The following ZFTA variants were observed in gnomAD, a reference collection of about 807,000 sequenced individuals.
ZFTA encodes the protein zinc finger translocation associated.
Under a neutral mutation model 41.8 loss-of-function variants are expected in ZFTA, and 35 were observed. The observed-to-expected ratio is 0.84, with a 90% CI of 0.64 to 1.11. The LOEUF is 1.11. ZFTA is among the 50% of genes most tolerant of loss of function. The pLI, the probability that ZFTA is intolerant of heterozygous loss-of-function variation, is 0.00. For missense variants in ZFTA, 964 were observed against 989.8 expected (o/e 0.97, Z 0.35); for synonymous variants, 514 against 436.4 (o/e 1.18, Z -2.22).
Position 63,764,115 on chromosome 11 carries a change from G to T in ZFTA, c.1508C>A (p.Pro503His), listed in dbSNP as rs1312377385. ...GTCGGAGGCTGCGGCAGTGCCGGGG[G>T]GGATGGGGCCCTGGGGGGACTCGGG... ...PRPESPQGPI[P>H]PGTAAASDEG... Residue 503 changes from proline to histidine, a missense_variant, in exon 4 of 5, where the codon CCC (proline) becomes CAC (histidine). This residue lies in a region of ZFTA where 584 missense variants were observed against 523.1 expected (regional missense o/e 1.12). Transcript: ENST00000433688. The T allele has an allele frequency of 7.4e-7, 1 of 1,344,510 alleles. No individual in the cohort carries two copies. The highest frequency in any genetic ancestry group is 9.5e-7 in the Non-Finnish European group (1 of 1,053,702). 83.3% of individuals were successfully genotyped at this position (1,344,510 alleles called of 1,614,324 possible). A position where few individuals can be genotyped will look rare whatever the true frequency, so the allele number is the denominator to read the frequency against.
rs1249531542 is a variant in ZFTA at position 63,766,177 on chromosome 11, C to T, written c.267G>A (p.Ser89=). The change falls in exon 2 of 5, where the codon TCG becomes TCA. Residue 89 remains serine, a synonymous_variant. Coordinates refer to ENST00000433688, the MANE Select transcript of ZFTA (RefSeq NM_001144936.2). ...KYSDHCEARA[S]RPGKSRIPGR... Reference sequence around the variant, plus strand: ...CAGGGATGCGGCTCTTTCCAGGCCTCGAGGCCCGGGCCTCACAGTGGTCTG... The same window carrying T: ...CAGGGATGCGGCTCTTTCCAGGCCTTGAGGCCCGGGCCTCACAGTGGTCTG... 6 of 1,522,284 alleles carry T rather than the reference C, an allele frequency of 3.9e-6. No individual in the cohort carries two copies. Among genetic ancestry groups the T allele is most frequent in the Admixed American group, 2.2e-5 (1 of 46,260 alleles). 94.3% of individuals were successfully genotyped at this position (1,522,284 alleles called of 1,614,324 possible).
Position 63,765,877 on chromosome 11 carries a change from C to T in ZFTA, c.567G>A (p.Glu189=), listed in dbSNP as rs748417027. ...CCTCCTCTTCTTCCTCCTCCTCCTCCTCCTCAGCCCCCTGGACCCCCAGGC... is the reference window on the plus strand; with the variant it reads ...CCTCCTCTTCTTCCTCCTCCTCCTCTTCCTCAGCCCCCTGGACCCCCAGGC... ...AEGLGVQGAE[E]EEEEEEEEEE... Residue 189 remains glutamate (E), a synonymous_variant, in exon 2 of 5, where the codon GAG becomes GAA. Transcript: ENST00000433688. This position sits in a 1 kb window ranked among gnomAD's most constrained non-coding sequence, Gnocchi z 4.0. The T allele has an allele frequency of 2.0e-6, 3 of 1,530,452 alleles. No homozygotes were observed. Among genetic ancestry groups the T allele is most frequent in the Admixed American group, 4.2e-5 (2 of 47,250 alleles). 94.8% of individuals were successfully genotyped at this position (1,530,452 alleles called of 1,614,324 possible).
chr11:63,766,307 G>A lies in ZFTA; in HGVS notation c.140-3C>T. ...CCCTTCCAGCTGAAGATCTTGCCCT[G>A]AAGAAGGGGAAAGGGAGACAGTTTT... On this transcript the variant is annotated splice_polypyrimidine_tract_variant and splice_region_variant and intron_variant, in intron 1 of 4. Transcript: ENST00000433688. 1 of 1,431,220 alleles carries A rather than the reference G, an allele frequency of 7.0e-7. No homozygotes were observed. 88.7% of individuals were successfully genotyped at this position (1,431,220 alleles called of 1,614,324 possible). A position where few individuals can be genotyped will look rare whatever the true frequency, so the allele number is the denominator to read the frequency against.
intron 4 of ZFTA, 50 bp downstream of exon 4, chr11:63,763,988 C>T (rs754621403): frequency 1.1e-4 from 141 of 1,304,814 alleles, no homozygotes; most frequent in Non-Finnish European, 1.3e-4. Flanking sequence ...CCTTCTGCCC[C>T]AGCAACTGCC....
At position 63,768,499 on chromosome 11, in the gene ZFTA, C is replaced by A; in HGVS notation, c.124G>T (p.Glu42Ter). 8.3e-7 allele frequency: 1 copy of A among 1,208,774 alleles called. No homozygotes were observed. The highest frequency in any genetic ancestry group is 1.0e-6 in the Non-Finnish European group (1 of 958,548). 74.9% of individuals were successfully genotyped at this position (1,208,774 alleles called of 1,614,324 possible). A position where few individuals can be genotyped will look rare whatever the true frequency, so the allele number is the denominator to read the frequency against. The change falls in exon 1 of 5, where the codon GAG (glutamate) becomes TAG (stop). Residue 42 changes from glutamate to a stop codon, truncating the protein, a stop_gained. Coordinates refer to ENST00000433688, the MANE Select transcript of ZFTA (RefSeq NM_001144936.2). LOFTEE classifies it high-confidence loss of function. ...PAGSSGSAEP[E>*]EDEGGQDLQL... ...CAGCTCTTACCGCCTTCGTCTTCCT[C>A]TGGCTCCGCGCTGCCGCTCGATCCG...
intron 1 of ZFTA, 85 bp from the exon 2 acceptor site, chr11:63,766,389 G>A: frequency 1.4e-6 from 2 of 1,390,882 alleles, no homozygotes; most frequent in South Asian, 1.7e-5. Context: ...CCCTGAGAAA[G>A]GGAGCTGGGG....
In ZFTA at chr11:63,765,037, G is replaced by A. The variant is rs1285741720; in HGVS notation, c.855C>T (p.Cys285=). The A allele has an allele frequency of 6.5e-7, 1 of 1,548,956 alleles. No homozygotes were observed. Among genetic ancestry groups the A allele is most frequent in the Non-Finnish European group, 8.7e-7 (1 of 1,146,492 alleles). The part of the protein sequence containing the change: ...DYDPRGNRLV[C]MACGRALPSL... ...TGGGCAGTGCCCGGCCACAGGCCAT[G>A]CACACCAGCCGGTTCCCCCGCGGGT... is the stretch of plus-strand genomic sequence containing the variant. The change falls in exon 3 of 5, where the codon TGC becomes TGT. Residue 285 remains cysteine, a synonymous_variant. Coordinates refer to ENST00000433688, the MANE Select transcript of ZFTA (RefSeq NM_001144936.2). This position sits in a 1 kb window ranked among gnomAD's most constrained non-coding sequence, Gnocchi z 4.0.
intron 1 of ZFTA, among the ~76,000 whole-genome samples, chr11:63,766,520 A>G (rs1057041949): frequency 6.6e-6 from 1 of 152,170 alleles, no homozygotes; most frequent in East Asian, 1.9e-4. Flanking sequence ...ATCAAGAACA[A>G]AAGGACGCAG....
In ZFTA at chr11:63,765,337, A is replaced by C; in HGVS notation, c.638-83T>G. Reference sequence around the variant, plus strand: ...CAGCCAGGTCTCCCACAAGCCTCTCACTCACTTGGGCCCCAGGCCTAACCT... The same window carrying C: ...CAGCCAGGTCTCCCACAAGCCTCTCCCTCACTTGGGCCCCAGGCCTAACCT... On this transcript the variant is annotated intron_variant, in intron 2 of 4. Transcript: ENST00000433688. This position sits in a 1 kb window ranked among gnomAD's most constrained non-coding sequence, Gnocchi z 4.0. 7.3e-7 allele frequency: 1 copy of C among 1,366,314 alleles called. No individual in the cohort carries two copies. The highest frequency in any genetic ancestry group is 9.5e-7 in the Non-Finnish European group (1 of 1,052,330). 84.6% of individuals were successfully genotyped at this position (1,366,314 alleles called of 1,614,324 possible). A position where few individuals can be genotyped will look rare whatever the true frequency, so the allele number is the denominator to read the frequency against.
Position 63,764,553 on chromosome 11 carries a change from G to C in ZFTA, c.1070C>G (p.Ser357Trp). The change falls in exon 4 of 5, where the codon TCG becomes TGG. Residue 357 changes from serine (S) to tryptophan (W), a missense_variant. Physicochemically the swap from Ser to Trp is radical, Grantham distance 177. This residue lies in a region of ZFTA where 584 missense variants were observed against 523.1 expected (regional missense o/e 1.12). Coordinates refer to ENST00000433688, the MANE Select transcript of ZFTA (RefSeq NM_001144936.2). ...PQDLTGKSRD[S>W]ASAAGAPSSQ... ...GGAGGGGGCTCCAGCAGCGGAGGCC[G>C]AGTCCCGGCTCTTTCCGGTCAGGTC... 1 of 1,254,756 alleles carries C rather than the reference G, an allele frequency of 8.0e-7. No individual in the cohort carries two copies. 77.7% of individuals were successfully genotyped at this position (1,254,756 alleles called of 1,614,324 possible).
Position 63,765,403 on chromosome 11 carries a change from A to C in ZFTA, c.638-149T>G. 2.2e-6 allele frequency: 2 copies of C among 924,572 alleles called. No homozygotes were observed. The highest frequency in any genetic ancestry group is 3.0e-6 in the Non-Finnish European group (2 of 658,278). 57.3% of individuals were successfully genotyped at this position (924,572 alleles called of 1,614,324 possible). A position where few individuals can be genotyped will look rare whatever the true frequency, so the allele number is the denominator to read the frequency against. On this transcript the variant is annotated intron_variant, in intron 2 of 4. Coordinates refer to ENST00000433688, the MANE Select transcript of ZFTA (RefSeq NM_001144936.2). The surrounding 1 kb of genome is among the most constrained non-coding windows in gnomAD (Gnocchi z 4.0). Reference sequence around the variant, plus strand: ...TCTCTCCTGAAATCCTAACTCCCTAAACCCTCCTCTGCTAGCATTTCAAGC... The same window carrying C: ...TCTCTCCTGAAATCCTAACTCCCTACACCCTCCTCTGCTAGCATTTCAAGC...
Position 63,763,378 on chromosome 11 carries a change from TCCGAC to T in ZFTA, c.*35_*39del. On this transcript the variant is annotated 3_prime_UTR_variant, in exon 5 of 5. Coordinates refer to ENST00000433688, the MANE Select transcript of ZFTA (RefSeq NM_001144936.2). The stretch of plus-strand genomic sequence containing the variant: ...CGAGCACAGGGCGGGGCGGGGCCGA[TCCGAC>T]CCGACCCGACCTGACCCGGGGGCCC... 2 of 1,215,948 alleles carry T rather than the reference TCCGAC, an allele frequency of 1.6e-6. No individual in the cohort carries two copies. Among genetic ancestry groups the T allele is most frequent in the Non-Finnish European group, 1.0e-6 (1 of 972,228 alleles). The allele number at this position is 1,215,948 out of a possible 1,614,324, so 75.3% of individuals were successfully genotyped here.
Position 63,760,044 on chromosome 11 carries a change from C to G in ZFTA, c.*3374G>C, listed in dbSNP as rs960724913. ...GTACTCGTAAGGATTCCCAAGACTG[C>G]AGAATTTAGTTGTACAGCATAACTG... is the stretch of plus-strand genomic sequence containing the variant. On this transcript the variant is annotated 3_prime_UTR_variant, in exon 5 of 5. Coordinates refer to ENST00000433688, the MANE Select transcript of ZFTA (RefSeq NM_001144936.2). 6.6e-6 allele frequency: 1 copy of G among 152,116 alleles called. No homozygotes were observed. Among genetic ancestry groups the G allele is most frequent in the African/African-American group, 2.4e-5 (1 of 41,418 alleles). The allele number at this position is 152,116 out of a possible 1,614,324, so 9.4% of individuals were successfully genotyped here.
intron 1 of ZFTA, among the ~76,000 whole-genome samples, chr11:63,767,762 A>T (rs1011654440): frequency 6.6e-6 from 1 of 152,000 alleles, no homozygotes; most frequent in African/African-American, 2.4e-5. Context: ...CTCCTTTGAG[A>T]GCGAACGAGG....
In ZFTA at chr11:63,765,511, T is replaced by C. The variant is rs2014731058; in HGVS notation, c.638-257A>G. Among the ~76,000 whole-genome samples, 1 of 151,654 alleles carries C rather than the reference T, an allele frequency of 6.6e-6. No individual in the cohort carries two copies. The highest frequency in any genetic ancestry group is 1.5e-5 in the Non-Finnish European group (1 of 67,882). On this transcript the variant is annotated intron_variant, in intron 2 of 4. Coordinates refer to ENST00000433688, the MANE Select transcript of ZFTA (RefSeq NM_001144936.2). This position sits in a 1 kb window ranked among gnomAD's most constrained non-coding sequence, Gnocchi z 4.0. The stretch of plus-strand genomic sequence containing the variant: ...CCACACCTCTCCAGCACCCTCCCCT[T>C]CCCTCACCCACCCCAGCCAGGCCTC...
In ZFTA at chr11:63,764,305, C is replaced by T. The variant is rs2014707526; in HGVS notation, c.1318G>A (p.Gly440Arg). ...LDGGRRGLVC[G>R]VCGGALASLK... is the part of the protein sequence containing the mutation. ...GAGGCCAGCGCGCCCCCGCACACCC[C>T]GCACACCAGGCCGCGCCGGCCGCCG... The change falls in exon 4 of 5, where the codon GGG becomes AGG. Residue 440 changes from glycine to arginine, a missense_variant. Gly to Arg is a moderately radical substitution (Grantham distance 125, BLOSUM62 -2). Transcript: ENST00000433688. 7.0e-7 allele frequency: 1 copy of T among 1,420,730 alleles called. No individual in the cohort carries two copies. Among genetic ancestry groups the T allele is most frequent in the Non-Finnish European group, 9.2e-7 (1 of 1,092,580 alleles). 88.0% of individuals were successfully genotyped at this position (1,420,730 alleles called of 1,614,324 possible). A position where few individuals can be genotyped will look rare whatever the true frequency, so the allele number is the denominator to read the frequency against.
chr11:63,760,100 C>T lies in ZFTA; in HGVS notation c.*3318G>A, dbSNP rs528635684. 3.9e-5 allele frequency: 6 copies of T among 152,278 alleles called. No individual in the cohort carries two copies. Among genetic ancestry groups the T allele is most frequent in the African/African-American group, 1.4e-4 (6 of 41,534 alleles). The allele number at this position is 152,278 out of a possible 1,614,324, so 9.4% of individuals were successfully genotyped here. ...TTGATCTCTGAAAGAAAATAAGAGA[C>T]CCTCTAAGAGGTGGTGACCTTAGAA... is the stretch of plus-strand genomic sequence containing the variant. On this transcript the variant is annotated 3_prime_UTR_variant, in exon 5 of 5. Transcript: ENST00000433688.
At chr11:63,766,426 G>A in intron 1 of ZFTA, 122 bp from the exon 2 acceptor site, 1 of 1,105,274 alleles carries the variant, frequency 9.0e-7, no homozygotes, top group South Asian at 2.1e-5. Context: ...GCAGGAAAGG[G>A]ACGGCAACAG....
At position 63,765,312 on chromosome 11, in the gene ZFTA, C is replaced by T; in HGVS notation, c.638-58G>A. The T allele has an allele frequency of 7.1e-7, 1 of 1,408,214 alleles. No individual in the cohort carries two copies. The highest frequency in any genetic ancestry group is 3.2e-5 in the Admixed American group (1 of 30,838). 87.2% of individuals were successfully genotyped at this position (1,408,214 alleles called of 1,614,324 possible). ...TGGCCCCACGGGAGCATACCCACTA[C>T]AGCCAGGTCTCCCACAAGCCTCTCA... On this transcript the variant is annotated intron_variant, in intron 2 of 4. Transcript: ENST00000433688. The surrounding 1 kb of genome is among the most constrained non-coding windows in gnomAD (Gnocchi z 4.0).
Sources: gnomAD v4.1 joint callset for allele counts (sites outside exome capture counted in the v4.1 genomes callset) on GRCh38, gnomAD v4.1.1 for gene constraint, gnomAD v4.1.1 regional missense constraint, Gnocchi (gnomAD v3.1) non-coding constraint, MANE v1.5 for transcripts, NCBI Gene and HGNC (gene_info 2026-07-23, HGNC 2026-07-21) for gene names.